EFR3A: variants seen among roughly 807,000 people sequenced by gnomAD.
EFR3A encodes protein EFR3 homolog A.
Under a neutral mutation model 104.4 loss-of-function variants are expected in EFR3A, and 76 were observed. The ratio of observed to expected loss-of-function variants is 0.73; its 90% CI spans 0.60 to 0.88. The LOEUF (loss-of-function observed/expected upper bound fraction) is 0.88, where lower values mean the gene tolerates loss of function less well. EFR3A is among the 40% of genes least tolerant of loss of function. The pLI is 0.00. For synonymous variants in EFR3A, 330 were observed against 330.0 expected (o/e 1.00, Z 0.00); for missense variants, 985 against 1,012.5 (o/e 0.97, Z 0.37).
At chr8:131,950,654 C>G (rs774393519) in intron 5 of EFR3A, among the ~76,000 whole-genome samples, 1 of 152,104 alleles carries the variant, frequency 6.6e-6, no homozygotes, top group Admixed American at 6.6e-5. Context: ...ATTCCAGGAG[C>G]GTGAGGACTT....
rs757388870 is a variant in EFR3A, at chr8:131,950,093, A to G, written c.488+3A>G. 2 of 1,601,150 alleles carry G rather than the reference A, an allele frequency of 1.2e-6. No homozygotes were observed. The highest frequency in any genetic ancestry group is 2.3e-5 in the East Asian group (1 of 44,320). Reference sequence around the variant, plus strand: ...AGTGATCCAGAAATACGAACAGAGTATGTATTATTTTACTTTATGATCTAT... The same window carrying G: ...AGTGATCCAGAAATACGAACAGAGTGTGTATTATTTTACTTTATGATCTAT... On this transcript the variant is annotated splice_donor_region_variant and intron_variant, in intron 5 of 22. Transcript: ENST00000254624.
In EFR3A at chr8:131,944,722, A is replaced by G. The variant is rs374918162; in HGVS notation, c.88-23A>G. On this transcript the variant is annotated intron_variant, in intron 2 of 22. Transcript: ENST00000254624. ...ATAAGCATGAAAATATAGATAATCTATTTATCTTGTTATTGTTTTTAGGAT... is the reference window on the plus strand; with the variant it reads ...ATAAGCATGAAAATATAGATAATCTGTTTATCTTGTTATTGTTTTTAGGAT... 493 of 1,536,842 alleles carry G rather than the reference A, an allele frequency of 3.2e-4. 1 individual carries two copies. Among genetic ancestry groups the G allele is most frequent in the South Asian group, 4.1e-4 (33 of 80,432 alleles).
At position 131,976,196 on chromosome 8, in the gene EFR3A, C is replaced by T. The variant is rs754120924; in HGVS notation, c.1274+55C>T. Reference sequence around the variant, plus strand: ...AATCTTGAGTTACATTTTATCCTAACGAAATCTAGAAAATGTTAACGTTTT... The same window carrying T: ...AATCTTGAGTTACATTTTATCCTAATGAAATCTAGAAAATGTTAACGTTTT... On this transcript the variant is annotated intron_variant, in intron 11 of 22. Transcript: ENST00000254624. The T allele has an allele frequency of 5.1e-5, 57 of 1,123,174 alleles. 1 individual carries two copies. In the Admixed American group the frequency reaches 7.3e-4, roughly 14 times the overall value. 69.6% of individuals were successfully genotyped at this position (1,123,174 alleles called of 1,614,324 possible). A position where few individuals can be genotyped will look rare whatever the true frequency, so the allele number is the denominator to read the frequency against.
chr8:131,958,985 A>G (rs1394397316), intron 7 of EFR3A, among the ~76,000 whole-genome samples: 2 of 152,164 alleles, frequency 1.3e-5, no homozygotes, highest in Non-Finnish European at 2.9e-5. Context: ...ACTCATGGAC[A>G]AGGACATATA....
In EFR3A at chr8:131,913,780, G is replaced by A. The variant is rs969928624; in HGVS notation, c.10+9458G>A. ...GATGTGGTTACAGTTAACTGTAAAC[G>A]AATTTCACTCCTGATGAGCCGAGTG... On this transcript the variant is annotated intron_variant, in intron 1 of 22. Transcript: ENST00000254624. Among the ~76,000 whole-genome samples the A allele has an allele frequency of 2.6e-5, 4 of 152,144 alleles. No homozygotes were observed. In the South Asian group the frequency reaches 6.2e-4, roughly 24 times the overall value.
At chr8:131,974,927 G>T (rs1481868836) in intron 10 of EFR3A, among the ~76,000 whole-genome samples, 3 of 152,248 alleles carry the variant, frequency 2.0e-5, no homozygotes, top group Non-Finnish European at 2.9e-5. Context: ...TACTAAAAAT[G>T]CAGAAAGTTT....
At chr8:131,950,868 C>A (rs1818667326) in intron 5 of EFR3A, among the ~76,000 whole-genome samples, 1 of 151,976 alleles carries the variant, frequency 6.6e-6, no homozygotes, top group Non-Finnish European at 1.5e-5. Flanking sequence ...AATCTGGAAT[C>A]AAATATTTTA....
intron 7 of EFR3A, among the ~76,000 whole-genome samples, chr8:131,958,891 T>C (rs1819162716): frequency 6.6e-6 from 1 of 152,200 alleles, no homozygotes; most frequent in Non-Finnish European, 1.5e-5. Flanking sequence ...TTTATCTTAC[T>C]TAATCCTTTT....
At chr8:132,003,498 C>G (rs1240606484) in intron 22 of EFR3A, among the ~76,000 whole-genome samples, 2 of 152,172 alleles carry the variant, frequency 1.3e-5, no homozygotes, top group African/African-American at 4.8e-5. Context: ...TAGTTGTCCT[C>G]TAGCTTTTTA....
intron 1 of EFR3A, among the ~76,000 whole-genome samples, chr8:131,908,807 G>A (rs933296589): frequency 2.0e-5 from 3 of 152,148 alleles, no homozygotes; most frequent in African/African-American, 7.2e-5. Flanking sequence ...TAGGTGCTTG[G>A]TAAATGCCAA....
intron 2 of EFR3A, among the ~76,000 whole-genome samples, chr8:131,943,423 G>T (rs865935798): frequency 6.6e-6 from 1 of 152,002 alleles, no homozygotes; most frequent in Non-Finnish European, 1.5e-5. Context: ...ATGATGTGGA[G>T]GAACTGATAC....
intron 10 of EFR3A, among the ~76,000 whole-genome samples, chr8:131,971,040 CATACATCATGGTCTATTACCACT>C (rs1192495235): frequency 3.3e-5 from 5 of 152,076 alleles, no homozygotes; most frequent in Admixed American, 2.0e-4. Context: ...CAGGAAGTTG[CATACATCATGGTCTATTACCACT>C]AAATACTTTG....
intron 6 of EFR3A, among the ~76,000 whole-genome samples, chr8:131,955,036 C>T (rs1223041364): frequency 6.6e-6 from 1 of 151,980 alleles, no homozygotes; most frequent in Non-Finnish European, 1.5e-5. Flanking sequence ...CTGTTCTTGG[C>T]ACTGTAGCTG....
chr8:131,993,677 C>T (rs185252660), intron 18 of EFR3A, among the ~76,000 whole-genome samples: 1 of 150,974 alleles, frequency 6.6e-6, no homozygotes, highest in East Asian at 2.0e-4. Context: ...AGGAGGATTG[C>T]TTGAAGCCAA....
intron 1 of EFR3A, chr8:131,935,559 G>A (rs1417788950): frequency 2.3e-6 from 1 of 427,378 alleles, no homozygotes; most frequent in Non-Finnish European, 4.7e-6. Context: ...TATGTTACAT[G>A]TGAGAATTAA....
At chr8:131,959,528 T>C in intron 7 of EFR3A, 57 bp from the exon 8 acceptor site, 1 of 1,424,366 alleles carries the variant, frequency 7.0e-7, no homozygotes, top group South Asian at 1.2e-5. Flanking sequence ...TTGAGGTTTC[T>C]AGAGGAAGAA....
intron 19 of EFR3A, among the ~76,000 whole-genome samples, chr8:131,999,541 C>G (rs1360481789): frequency 6.6e-6 from 1 of 151,578 alleles, no homozygotes; most frequent in African/African-American, 2.4e-5. Flanking sequence ...GGTGCCTTTG[C>G]ACCACTTCTC....
chr8:131,946,047 T>A lies in EFR3A; in HGVS notation c.216-436T>A, dbSNP rs575437908. ...AATTGTAAAGTAATATTTATGAGAT[T>A]TTTAAAATAATATTATGTTGCTGAT... is the stretch of plus-strand genomic sequence containing the variant. On this transcript the variant is annotated intron_variant, in intron 3 of 22. Transcript: ENST00000254624. 1.1e-4 allele frequency among the ~76,000 whole-genome samples: 17 copies of A among 152,176 alleles called. No homozygotes were observed. In the East Asian group the frequency reaches 3.1e-3, roughly 28 times the overall value.
chr8:131,910,357 C>T (rs1174893295), intron 1 of EFR3A, among the ~76,000 whole-genome samples: 1 of 151,176 alleles, frequency 6.6e-6, no homozygotes, highest in African/African-American at 2.4e-5. Context: ...CTGCAACCTC[C>T]ACCTCCTGGA....
Sources: gnomAD v4.1 joint callset for allele counts (sites outside exome capture counted in the v4.1 genomes callset) on GRCh38, gnomAD v4.1.1 for gene constraint, MANE v1.5 for transcripts, NCBI Gene and HGNC (gene_info 2026-07-23, HGNC 2026-07-21) for gene names.